Variants in GALK2 observed in about 807,000 individuals in gnomAD.
GALK2 encodes N-acetylgalactosamine kinase.
A neutral mutation model predicts 52.4 loss-of-function variants in GALK2; 36 were observed. That is an observed-to-expected ratio of 0.69 (90% CI 0.53 to 0.91). The LOEUF (loss-of-function observed/expected upper bound fraction) is 0.91. Among genes scored for constraint, GALK2 ranks in the 40% least tolerant of loss-of-function variants. The probability of loss-of-function intolerance (pLI) is 0.00; values close to 1 mark genes in which losing one functional copy is unlikely to be tolerated. For synonymous variants in GALK2, 176 were observed against 199.1 expected (o/e 0.88, Z 0.98); for missense variants, 579 against 559.1 (o/e 1.04, Z -0.36).
intron 2 of GALK2, among the ~76,000 whole-genome samples, chr15:49,208,053 G>A (rs141061097): frequency 7.3e-5 from 11 of 150,910 alleles, no homozygotes; most frequent in African/African-American, 9.9e-5. Flanking sequence ...GATTACAGGC[G>A]TGAGTCACTG....
intron 3 of GALK2, chr15:49,366,036 T>TA: frequency 2.5e-6 from 2 of 808,052 alleles, no homozygotes; most frequent in South Asian, 2.7e-5. Context: ...GACTAAAAGT[T>TA]AGATATTCTT....
intron 3 of GALK2, among the ~76,000 whole-genome samples, chr15:49,224,321 G>A (rs969346060): frequency 2.6e-5 from 4 of 151,872 alleles, no homozygotes; most frequent in South Asian, 2.1e-4. Context: ...AGTTTCTTTC[G>A]CTGTGCAGAA....
chr15:49,362,778 A>G (rs2044469951), intron 3 of GALK2, among the ~76,000 whole-genome samples: 1 of 152,096 alleles, frequency 6.6e-6, no homozygotes, highest in Non-Finnish European at 1.5e-5. Flanking sequence ...TAAGTCTTTC[A>G]TCCATCTTAA....
At chr15:49,220,466 C>A (rs527653592) in intron 3 of GALK2, among the ~76,000 whole-genome samples, 1 of 151,860 alleles carries the variant, frequency 6.6e-6, no homozygotes, top group East Asian at 1.9e-4. Context: ...TATACATTTT[C>A]TTTATTTATT....
intron 8 of GALK2, among the ~76,000 whole-genome samples, chr15:49,310,669 G>A (rs537003921): frequency 1.6e-3 from 249 of 152,072 alleles, no homozygotes; most frequent in Middle Eastern, 3.4e-3. Context: ...ATTCCTGTTG[G>A]CCATTTATAT....
At chr15:49,292,219 A>G in intron 7 of GALK2, 108 bp from the exon 8 acceptor site, 2 of 1,000,728 alleles carry the variant, frequency 2.0e-6, no homozygotes, top group East Asian at 4.9e-5. Flanking sequence ...GGTTGAAAGG[A>G]AAACAACAAC....
intron 8 of GALK2, among the ~76,000 whole-genome samples, chr15:49,313,021 T>G (rs1437925427): frequency 6.6e-6 from 1 of 152,134 alleles, no homozygotes; most frequent in African/African-American, 2.4e-5. Context: ...AGCACATACC[T>G]GCAAGGACCA....
At chr15:49,213,069 C>G (rs2089056881) in intron 2 of GALK2, among the ~76,000 whole-genome samples, 1 of 152,014 alleles carries the variant, frequency 6.6e-6, no homozygotes, top group Non-Finnish European at 1.5e-5. Flanking sequence ...GGATAAATAC[C>G]CTAGGGCTGA....
chr15:49,199,099 G>A (rs1030102157), intron 1 of GALK2: 4 of 152,236 alleles, frequency 2.6e-5, no homozygotes, highest in East Asian at 1.9e-4. Context: ...CCTGGACAGC[G>A]TAGCGCACCA....
chr15:49,171,181 C>T (rs2085069266), intron 1 of GALK2, among the ~76,000 whole-genome samples: 1 of 150,082 alleles, frequency 6.7e-6, no homozygotes, highest in Non-Finnish European at 1.5e-5. Context: ...CTCCCAGGTT[C>T]AAGCGATTCT....
chr15:49,345,419 GTGA>G (rs2041329596), intron 3 of GALK2, among the ~76,000 whole-genome samples: 2 of 152,266 alleles, frequency 1.3e-5, no homozygotes, highest in South Asian at 4.1e-4. Context: ...CAACTCAGTG[GTGA>G]TGGTTTTCAG....
intron 4 of GALK2, among the ~76,000 whole-genome samples, chr15:49,238,281 G>C (rs2090930685): frequency 6.6e-6 from 1 of 152,178 alleles, no homozygotes; most frequent in Non-Finnish European, 1.5e-5. Flanking sequence ...GTTATGATAT[G>C]ATATCATCCA....
intron 3 of GALK2, among the ~76,000 whole-genome samples, chr15:49,231,671 G>A (rs1298973118): frequency 2.0e-5 from 3 of 152,232 alleles, no homozygotes; most frequent in Non-Finnish European, 4.4e-5. Flanking sequence ...CAGGCACTGG[G>A]TAAATACTTC....
chr15:49,304,643 C>T (rs1380324389), intron 8 of GALK2, among the ~76,000 whole-genome samples: 2 of 152,202 alleles, frequency 1.3e-5, no homozygotes. Context: ...GTGAGGATAG[C>T]TGGAATATTT....
rs1595866339 is a variant in GALK2, at chr15:49,170,622, T to C, written c.53+247T>C. ...ATCCATGCAGATTCTTCTTTTCCTT[T>C]TCTTGTTGTAATTAGTGTACTCTTT... On this transcript the variant is annotated intron_variant, in intron 1 of 9. Transcript: ENST00000560031. 20 of 502,466 alleles carry C rather than the reference T, an allele frequency of 4.0e-5. No individual in the cohort carries two copies. The South Asian group carries it at 5.8e-4, about 15-fold the overall frequency. The allele number at this position is 502,466 out of a possible 1,614,324, so 31.1% of individuals were successfully genotyped here.
intron 9 of GALK2, among the ~76,000 whole-genome samples, chr15:49,324,801 G>A (rs115454675): frequency 0.017 from 2,610 of 152,090 alleles, 93 homozygotes; most frequent in African/African-American, 0.06. Flanking sequence ...GGGAAATATC[G>A]TAGTCCAGCA....
chr15:49,162,731 A>G (rs2084694859), intron 1 of GALK2, among the ~76,000 whole-genome samples: 1 of 152,224 alleles, frequency 6.6e-6, no homozygotes, highest in South Asian at 2.1e-4. Context: ...GGGAAGGACA[A>G]CACAACAGGG....
chr15:49,285,052 A>G (rs994600061), intron 7 of GALK2, among the ~76,000 whole-genome samples: 6 of 152,152 alleles, frequency 3.9e-5, no homozygotes, highest in African/African-American at 1.2e-4. Flanking sequence ...ATTGCTTTAT[A>G]TATGTTATCT....
intron 3 of GALK2, among the ~76,000 whole-genome samples, chr15:49,346,051 ATT>A (rs35105464): frequency 1.4e-4 from 20 of 145,530 alleles, no homozygotes; most frequent in Non-Finnish European, 1.4e-4. Context: ...TGCTTTTGTT[ATT>A]TTTTTTTTTT....
Sources: allele counts gnomAD v4.1 joint callset (sites outside exome capture counted in the v4.1 genomes callset), GRCh38; gene constraint gnomAD v4.1.1; transcripts MANE v1.5; gene names NCBI Gene and HGNC (gene_info 2026-07-23, HGNC 2026-07-21).